Variants in SEMA3C observed in about 807,000 individuals in gnomAD.
SEMA3C encodes semaphorin 3C, also known as semaphorin-3C.
In SEMA3C, 47 loss-of-function variants were observed where a neutral mutation model predicts 89.4. That is an observed-to-expected ratio of 0.53 (90% CI 0.42 to 0.67). SEMA3C has a LOEUF of 0.67. Ranked by LOEUF, SEMA3C falls within the 30% of genes least tolerant of loss-of-function variation. The probability of loss-of-function intolerance (pLI) is 0.00; values close to 1 mark genes in which losing one functional copy is unlikely to be tolerated. For missense variants in SEMA3C, 839 were observed against 929.1 expected (o/e 0.90, Z 1.26); for synonymous variants, 310 against 320.2 (o/e 0.97, Z 0.34).
At chr7:80,892,125 G>A (rs1351680082) in intron 2 of SEMA3C, among the ~76,000 whole-genome samples, 2 of 152,024 alleles carry the variant, frequency 1.3e-5, no homozygotes, top group Non-Finnish European at 2.9e-5. Flanking sequence ...TTTGCATAAT[G>A]GTAGAATTGT....
At chr7:80,922,305 C>T, upstream of SEMA3C, 1 of 1,288,436 alleles carries the variant, frequency 7.8e-7, no homozygotes, top group Admixed American at 2.3e-5. Flanking sequence ...CTACTTCCCT[C>T]TCTTTCTCCT....
intron 2 of SEMA3C, among the ~76,000 whole-genome samples, chr7:80,865,402 T>C (rs940470946): frequency 2.0e-5 from 3 of 152,202 alleles, no homozygotes; most frequent in African/African-American, 7.2e-5. Flanking sequence ...ACTATTCTAC[T>C]AATATATTCC....
chr7:80,810,530 C>T (rs761812604), intron 6 of SEMA3C, 81 bp downstream of exon 6: 5 of 1,041,390 alleles, frequency 4.8e-6, no homozygotes, highest in Non-Finnish European at 4.4e-6. Flanking sequence ...TCCACACAAC[C>T]ATCAAGAATA....
chr7:80,773,024 C>T (rs779112516), intron 12 of SEMA3C, among the ~76,000 whole-genome samples: 1 of 152,046 alleles, frequency 6.6e-6, no homozygotes, highest in Non-Finnish European at 1.5e-5. Context: ...TGTGTTTGCT[C>T]AAACATTAAA....
chr7:80,763,038 G>A (rs979941381), intron 13 of SEMA3C, among the ~76,000 whole-genome samples: 1 of 151,896 alleles, frequency 6.6e-6, no homozygotes, highest in South Asian at 2.1e-4. Flanking sequence ...ACACACACAT[G>A]CACACACACA....
chr7:80,866,150 C>T (rs952736098), intron 2 of SEMA3C, among the ~76,000 whole-genome samples: 1 of 152,050 alleles, frequency 6.6e-6, no homozygotes, highest in African/African-American at 2.4e-5. Flanking sequence ...AATTAATTTG[C>T]ATAAAACTCT....
At chr7:80,830,264 AT>A (rs1385960453) in intron 2 of SEMA3C, among the ~76,000 whole-genome samples, 1 of 152,178 alleles carries the variant, frequency 6.6e-6, no homozygotes, top group African/African-American at 2.4e-5. Context: ...CTGTGCTTTA[AT>A]TTCCTCATTT....
chr7:80,860,294 C>A (rs918788426), intron 2 of SEMA3C, among the ~76,000 whole-genome samples: 5 of 151,784 alleles, frequency 3.3e-5, no homozygotes, highest in African/African-American at 1.2e-4. Context: ...AGATTATAAA[C>A]CTTCTCCTAA....
chr7:80,889,874 T>C (rs116658759), intron 2 of SEMA3C, among the ~76,000 whole-genome samples: 1,592 of 152,322 alleles, frequency 0.01, 24 homozygotes, highest in African/African-American at 0.036. Context: ...GAGTCAGATG[T>C]GGGCGATCAA....
At position 80,744,603 on chromosome 7, in the gene SEMA3C, T is replaced by C. The variant is rs747314660; in HGVS notation, c.*291A>G. 2.5e-6 allele frequency: 1 copy of C among 400,982 alleles called. No individual in the cohort carries two copies. The highest frequency in any genetic ancestry group is 2.1e-5 in the African/African-American group (1 of 48,540). The allele number at this position is 400,982 out of a possible 1,614,324, so 24.8% of individuals were successfully genotyped here. A position where few individuals can be genotyped will look rare whatever the true frequency, so the allele number is the denominator to read the frequency against. On this transcript the variant is annotated 3_prime_UTR_variant, in exon 18 of 18. Coordinates refer to ENST00000265361, the MANE Select transcript of SEMA3C (RefSeq NM_006379.5). Reference sequence around the variant, plus strand: ...ATTCAATTGAGGGATGCAACAATTCTAGTTTTGCAGCCACCATATCGATTT... The same window carrying C: ...ATTCAATTGAGGGATGCAACAATTCCAGTTTTGCAGCCACCATATCGATTT...
intron 2 of SEMA3C, among the ~76,000 whole-genome samples, chr7:80,914,217 C>A (rs1002850766): frequency 6.6e-6 from 1 of 152,044 alleles, no homozygotes; most frequent in Non-Finnish European, 1.5e-5. Flanking sequence ...AAGTATATGC[C>A]ACATGTATTT....
At chr7:80,783,366 G>A (rs929350672) in intron 12 of SEMA3C, among the ~76,000 whole-genome samples, 8 of 152,050 alleles carry the variant, frequency 5.3e-5, no homozygotes, top group African/African-American at 1.2e-4. Context: ...TTCAGCCATC[G>A]TTCCACTCTG....
intron 12 of SEMA3C, among the ~76,000 whole-genome samples, chr7:80,769,075 A>C (rs1014966947): frequency 6.6e-6 from 1 of 152,110 alleles, no homozygotes; most frequent in Non-Finnish European, 1.5e-5. Flanking sequence ...ATCTTTAATC[A>C]TTATGGATAT....
chr7:80,765,176 C>T lies in SEMA3C; in HGVS notation c.1422G>A (p.Leu474=). 2 of 1,613,486 alleles carry T rather than the reference C, an allele frequency of 1.2e-6. No homozygotes were observed. The highest frequency in any genetic ancestry group is 8.5e-7 in the Non-Finnish European group (1 of 1,179,688). The part of the protein sequence containing the change: ...TNNSVSGELI[L]EELEVFKNHA... Reference sequence around the variant, plus strand: ...AAACCTTAAAGACTTCCAGCTCCTCCAGAATGAGCTCGCCACTGACAGAGT... The same window carrying T: ...AAACCTTAAAGACTTCCAGCTCCTCTAGAATGAGCTCGCCACTGACAGAGT... Residue 474 remains leucine (L), a synonymous_variant, in exon 13 of 18, where the codon CTG becomes CTA. Transcript: ENST00000265361.
chr7:80,901,512 C>A (rs1016077260), intron 2 of SEMA3C, among the ~76,000 whole-genome samples: 3 of 152,194 alleles, frequency 2.0e-5, no homozygotes, highest in Non-Finnish European at 1.5e-5. Context: ...TATCTATATA[C>A]TTTGCAAAAC....
Position 80,882,639 on chromosome 7 carries a change from A to G in SEMA3C, c.103+34040T>C, listed in dbSNP as rs1422601544. 2.0e-5 allele frequency among the ~76,000 whole-genome samples: 3 copies of G among 151,782 alleles called. No individual in the cohort carries two copies. The East Asian group carries it at 5.8e-4, about 29-fold the overall frequency. ...GGCCAGATGAGCACTGACTTTCCCCATTGAGGAGTCTCGATTACCTCATGT... is the reference window on the plus strand; with the variant it reads ...GGCCAGATGAGCACTGACTTTCCCCGTTGAGGAGTCTCGATTACCTCATGT... On this transcript the variant is annotated intron_variant, in intron 2 of 17. Transcript: ENST00000265361.
At chr7:80,856,443 A>G (rs73374811) in intron 2 of SEMA3C, among the ~76,000 whole-genome samples, 4,669 of 151,578 alleles carry the variant, frequency 0.031, 217 homozygotes, top group African/African-American at 0.1. Context: ...CAAGCAGAGA[A>G]AGGCTGGCAC....
At chr7:80,849,810 T>G (rs944738677) in intron 2 of SEMA3C, among the ~76,000 whole-genome samples, 1 of 152,110 alleles carries the variant, frequency 6.6e-6, no homozygotes, top group Non-Finnish European at 1.5e-5. Flanking sequence ...TAGAATACAT[T>G]ACAATTTAGA....
At chr7:80,768,789 T>C in intron 12 of SEMA3C, among the ~76,000 whole-genome samples, 1 of 103,610 alleles carries the variant, frequency 9.7e-6, no homozygotes, top group South Asian at 3.0e-4. Flanking sequence ...GCAAGATTTG[T>C]GTGTGTGTGT....
Sources: gnomAD v4.1 joint callset for allele counts (sites outside exome capture counted in the v4.1 genomes callset) on GRCh38, gnomAD v4.1.1 for gene constraint, MANE v1.5 for transcripts, NCBI Gene and HGNC (gene_info 2026-07-23, HGNC 2026-07-21) for gene names.